SSTR3: variants seen among roughly 807,000 people sequenced by gnomAD.
The protein encoded by SSTR3 is somatostatin receptor type 3.
For missense variants in SSTR3, 504 were observed against 604.7 expected (o/e 0.83, Z 1.75); for synonymous variants, 281 against 269.2 (o/e 1.04, Z -0.43).
chr22:37,211,342 C>A (rs759560160), intron 1 of SSTR3, among the ~76,000 whole-genome samples: 2 of 152,174 alleles, frequency 1.3e-5, no homozygotes, highest in African/African-American at 2.4e-5. Flanking sequence ...ACAGGCCCAG[C>A]GCTGGGGGCT....
chr22:37,213,647 T>G (rs562491731), upstream of SSTR3, among the ~76,000 whole-genome samples: 6 of 152,336 alleles, frequency 3.9e-5, no homozygotes, highest in African/African-American at 1.4e-4. Context: ...CAGCCTCCCA[T>G]TGTCCTTGTC....
chr22:37,215,767 T>C (rs5756562), upstream of SSTR3: 80,973 of 269,792 alleles, frequency 0.3, 13,900 homozygotes, highest in Non-Finnish European at 0.36. Context: ...CTTTCCAATA[T>C]CTCCTTTTGG....
At chr22:37,218,306 C>A in the SSTR3 span, among the ~76,000 whole-genome samples, 23 of 152,218 alleles carry the variant, frequency 1.5e-4, no homozygotes, top group African/African-American at 5.3e-4. Flanking sequence ...CCTGTAATCC[C>A]AGCACTTTGG....
chr22:37,211,969 C>T lies in SSTR3; in HGVS notation c.-181G>A, dbSNP rs967016339. 1.0e-6 allele frequency: 1 copy of T among 985,566 alleles called. No individual in the cohort carries two copies. Among genetic ancestry groups the T allele is most frequent in the African/African-American group, 1.7e-5 (1 of 57,228 alleles). 61.1% of individuals were successfully genotyped at this position (985,566 alleles called of 1,614,324 possible). ...CACCCACTTCTAGACCGCTTGCGGG[C>T]TCAGGTTCCCTCCCAGGCCCTCGGC... On this transcript the variant is annotated 5_prime_UTR_variant, in exon 1 of 2. Coordinates refer to ENST00000610913, the MANE Select transcript of SSTR3 (RefSeq NM_001051.5).
chr22:37,206,936 C>T lies in SSTR3; in HGVS notation c.868G>A (p.Ala290Thr). 6.2e-7 allele frequency: 1 copy of T among 1,613,456 alleles called. No homozygotes were observed. The change falls in exon 2 of 2, where the codon GCC (alanine) becomes ACC (threonine). Residue 290 changes from alanine to threonine, a missense_variant. By Grantham distance (58) the Ala-to-Thr change is moderately conservative. Coordinates refer to ENST00000610913, the MANE Select transcript of SSTR3 (RefSeq NM_001051.5). ...NVVCPLPEEP[A>T]FFGLYFLVVA... ...ACCAGGAAGTAGAGCCCAAAGAAGG[C>T]AGGCTCCTCGGGCAGTGGGCACACC... is the stretch of plus-strand genomic sequence containing the variant.
In SSTR3 at chr22:37,207,129, G is replaced by A; in HGVS notation, c.675C>T (p.Cys225=). Residue 225 remains cysteine (C), a synonymous_variant, in exon 2 of 2, where the codon TGC becomes TGT. Coordinates refer to ENST00000610913, the MANE Select transcript of SSTR3 (RefSeq NM_001051.5). ...FFGPLLVICL[C]YLLIVVKVRS... is the part of the protein sequence containing the mutation. ...GCACCTTCACCACGATGAGCAGGTA[G>A]CAGAGGCAGATGACCAGCAGCGGCC... 6.2e-7 allele frequency: 1 copy of A among 1,612,618 alleles called. No individual in the cohort carries two copies.
At chr22:37,216,923 C>T (rs1414620884), upstream of SSTR3, among the ~76,000 whole-genome samples, 1 of 152,154 alleles carries the variant, frequency 6.6e-6, no homozygotes, top group African/African-American at 2.4e-5. Flanking sequence ...ACCTCAGCCT[C>T]TTGAGTAGCT....
At chr22:37,210,785 AT>A (rs1926144459) in intron 1 of SSTR3, 3 of 985,414 alleles carry the variant, frequency 3.0e-6, no homozygotes, top group Non-Finnish European at 2.4e-6. Flanking sequence ...ATCATTCTCC[AT>A]TTGCCCATCT....
chr22:37,208,195 G>T (rs548096912), intron 1 of SSTR3, among the ~76,000 whole-genome samples: 1 of 152,202 alleles, frequency 6.6e-6, no homozygotes, highest in Non-Finnish European at 1.5e-5. Flanking sequence ...GCCCTGTGAA[G>T]TGGGTTGCAT....
At position 37,207,201 on chromosome 22, in the gene SSTR3, G is replaced by A; in HGVS notation, c.603C>T (p.Ala201=). The A allele has an allele frequency of 6.2e-7, 1 of 1,610,692 alleles. No homozygotes were observed. Among genetic ancestry groups the A allele is most frequent in the Non-Finnish European group, 8.5e-7 (1 of 1,178,958 alleles). Residue 201 remains alanine, a synonymous_variant, in exon 2 of 2, where the codon GCC becomes GCT. Coordinates refer to ENST00000610913, the MANE Select transcript of SSTR3 (RefSeq NM_001051.5). ...CHMQWPEPAA[A]WRAGFIIYTA... ...TGTAGATGATGAAGCCGGCTCGCCA[G>A]GCCGCCGCCGGCTCGGGCCACTGCA...
upstream of SSTR3, among the ~76,000 whole-genome samples, chr22:37,216,904 G>A (rs868150204): frequency 6.6e-6 from 1 of 152,144 alleles, no homozygotes; most frequent in Non-Finnish European, 1.5e-5. Context: ...AGGCCCAAGC[G>A]ATCTTCTCAC....
intron 1 of SSTR3, among the ~76,000 whole-genome samples, 173 bp from the exon 2 acceptor site, chr22:37,208,012 C>A (rs193120409): frequency 1.3e-5 from 2 of 152,182 alleles, no homozygotes; most frequent in African/African-American, 4.8e-5. Context: ...CGCACAGCCC[C>A]GCAAGGCTGA....
chr22:37,207,861 C>T lies in SSTR3; in HGVS notation c.-36-22G>A, dbSNP rs965795329. The T allele has an allele frequency of 2.2e-5, 32 of 1,460,574 alleles. No individual in the cohort carries two copies. The African/African-American group carries it at 3.7e-4, about 17-fold the overall frequency. The allele number at this position is 1,460,574 out of a possible 1,614,324, so 90.5% of individuals were successfully genotyped here. ...TTGCCTGGGGGAAGGAAAAACAGCTCGGTCACAGCAGAGAATGGCTTTCTC... is the reference window on the plus strand; with the variant it reads ...TTGCCTGGGGGAAGGAAAAACAGCTTGGTCACAGCAGAGAATGGCTTTCTC... On this transcript the variant is annotated intron_variant, in intron 1 of 1. Transcript: ENST00000610913.
chr22:37,206,520 C>G lies in SSTR3; in HGVS notation c.*27G>C. 6.4e-7 allele frequency: 1 copy of G among 1,572,452 alleles called. No homozygotes were observed. Among genetic ancestry groups the G allele is most frequent in the Non-Finnish European group, 8.6e-7 (1 of 1,158,386 alleles). On this transcript the variant is annotated 3_prime_UTR_variant, in exon 2 of 2. Transcript: ENST00000610913. ...ACACCCACGGCTTCTGCCTCTTCCT[C>G]GGGCCATCCTGGCTTTCCCCAGGCC...
intron 1 of SSTR3, among the ~76,000 whole-genome samples, chr22:37,208,077 GATCATTCTCCAT>G (rs1165776065): frequency 1.3e-5 from 2 of 152,166 alleles, no homozygotes; most frequent in Non-Finnish European, 2.9e-5. Flanking sequence ...GAGGTGAGGT[GATCATTCTCCAT>G]CGTGGAGTGA....
At chr22:37,208,186 C>A (rs1446148636) in intron 1 of SSTR3, among the ~76,000 whole-genome samples, 1 of 152,164 alleles carries the variant, frequency 6.6e-6, no homozygotes, top group African/African-American at 2.4e-5. Flanking sequence ...GCTGGCAGGG[C>A]CCTGTGAAGT....
At chr22:37,216,790 GT>G (rs372457465), upstream of SSTR3, among the ~76,000 whole-genome samples, 65 of 147,268 alleles carry the variant, frequency 4.4e-4, 1 homozygote, top group Non-Finnish European at 7.9e-4. Context: ...GGGCCTTGGG[GT>G]TTTTTTGTTT....
At chr22:37,216,654 G>A (rs1005344379), upstream of SSTR3, among the ~76,000 whole-genome samples, 6 of 152,232 alleles carry the variant, frequency 3.9e-5, no homozygotes, top group African/African-American at 9.6e-5. Flanking sequence ...GGGCCTGTGC[G>A]CAGCTGACAT....
rs147801390 is a variant in SSTR3 at position 37,208,851 on chromosome 22, C to G, written c.-36-1012G>C. Among the ~76,000 whole-genome samples the G allele has an allele frequency of 4.1e-3, 627 of 152,350 alleles. 4 individuals carry two copies. Among genetic ancestry groups the G allele is most frequent in the Non-Finnish European group, 6.1e-3 (415 of 68,026 alleles). ...ACTTCCGCACAGGCACGAGCTCTGC[C>G]TCAGTGTCAGGCATCAAATGAACCA... On this transcript the variant is annotated intron_variant, in intron 1 of 1. Transcript: ENST00000610913.
Sources: allele counts gnomAD v4.1 joint callset (sites outside exome capture counted in the v4.1 genomes callset), GRCh38; gene constraint gnomAD v4.1.1; transcripts MANE v1.5; gene names NCBI Gene and HGNC (gene_info 2026-07-23, HGNC 2026-07-21).